Variants in IFT122 observed in about 807,000 individuals in gnomAD.
IFT122 encodes the protein intraflagellar transport protein 122 homolog.
Under a neutral mutation model 161.6 loss-of-function variants are expected in IFT122, and 118 were observed. The observed-to-expected ratio is 0.73, with a 90% CI of 0.63 to 0.85. The LOEUF (loss-of-function observed/expected upper bound fraction) is 0.85. IFT122 is among the 40% of genes least tolerant of loss of function. The pLI is 0.00. For missense variants in IFT122, 1,381 were observed against 1,579.6 expected, an observed-to-expected ratio of 0.87 and a Z score of 2.13; for synonymous variants, 550 against 602.4, an observed-to-expected ratio of 0.91 and a Z score of 1.27.
At chr3:129,498,273 C>T (rs1239489735) in intron 18 of IFT122, among the ~76,000 whole-genome samples, 4 of 152,224 alleles carry the variant, frequency 2.6e-5, no homozygotes, top group Admixed American at 2.0e-4. Context: ...CCCTGGTCCC[C>T]TGAGCACTCA....
chr3:129,492,094 T>C (rs2080189412), intron 16 of IFT122, 47 bp from the exon 17 acceptor site: 9 of 1,487,784 alleles, frequency 6.0e-6, no homozygotes, highest in Non-Finnish European at 8.4e-6. Context: ...CACCCACTTT[T>C]GAAGCCAAGA....
chr3:129,506,633 A>G (rs1325395071), intron 22 of IFT122, 84 bp downstream of exon 22: 1 of 1,577,582 alleles, frequency 6.3e-7, no homozygotes, highest in Non-Finnish European at 8.7e-7. Flanking sequence ...GGACATTTTA[A>G]TTAAAGCCCT....
At chr3:129,455,992 C>T (rs1386059997) in intron 3 of IFT122, 1 of 383,054 alleles carries the variant, frequency 2.6e-6, no homozygotes, top group Admixed American at 2.9e-5. Flanking sequence ...TAAAAGTGGA[C>T]TCATGTAGTT....
intron 9 of IFT122, among the ~76,000 whole-genome samples, chr3:129,469,936 G>A (rs748730829): frequency 9.9e-5 from 15 of 152,186 alleles, no homozygotes; most frequent in Non-Finnish European, 2.1e-4. Flanking sequence ...CCTGTGTGGT[G>A]TGGTATGTGA....
At chr3:129,497,430 A>C (rs562474345) in intron 18 of IFT122, among the ~76,000 whole-genome samples, 1 of 152,320 alleles carries the variant, frequency 6.6e-6, no homozygotes, top group South Asian at 2.1e-4. Flanking sequence ...ATTTGCACAG[A>C]ATAATGTATA....
chr3:129,507,757 C>G lies in IFT122; in HGVS notation c.2881C>G (p.His961Asp), dbSNP rs1178500227. 9 of 1,613,592 alleles carry G rather than the reference C, an allele frequency of 5.6e-6. No homozygotes were observed. The East Asian group carries it at 1.3e-4, about 24-fold the overall frequency. Residue 961 changes from histidine to aspartate, a missense_variant, in exon 23 of 30, where the codon CAC (histidine) becomes GAC (aspartate). His to Asp is a moderately conservative substitution (Grantham distance 81, BLOSUM62 -1). This residue lies in a region of IFT122 where 496 missense variants were observed against 502.5 expected (regional missense o/e 0.99). Transcript: ENST00000348417. ...CCATGGTTACCATGCCATCCATCGC[C>G]ACACGGTAAGGTGGCTGGGTCACCA... Reference protein sequence around the residue: ...LYHGYHAIHRHTEDPFSVHRP... With the variant: ...LYHGYHAIHRDTEDPFSVHRP...
At chr3:129,498,513 A>G (rs1263879196) in intron 18 of IFT122, among the ~76,000 whole-genome samples, 2 of 152,198 alleles carry the variant, frequency 1.3e-5, no homozygotes, top group Non-Finnish European at 1.5e-5. Context: ...GGGAGAACCA[A>G]AGGCCAGCCA....
intron 1 of IFT122, among the ~76,000 whole-genome samples, chr3:129,443,479 T>C (rs2073543585): frequency 6.6e-6 from 1 of 152,256 alleles, no homozygotes; most frequent in South Asian, 2.1e-4. Flanking sequence ...AGGGGCTAGA[T>C]GGCCATCTAT....
At chr3:129,466,492 A>ATTTTTT (rs2076790385) in intron 7 of IFT122, among the ~76,000 whole-genome samples, 1 of 102,186 alleles carries the variant, frequency 9.8e-6, no homozygotes, top group African/African-American at 3.7e-5. Context: ...TTTTATTTTT[A>ATTTTTT]TTCTTTTTTT....
intron 2 of IFT122, 85 bp downstream of exon 2, chr3:129,450,022 T>TC: frequency 1.1e-6 from 1 of 926,118 alleles, no homozygotes; most frequent in Non-Finnish European, 1.8e-6. Context: ...TTTTTTTTTT[T>TC]TTTTGAGATT....
chr3:129,441,351 G>C (rs3138324), intron 1 of IFT122, among the ~76,000 whole-genome samples: 4,010 of 152,158 alleles, frequency 0.026, 161 homozygotes, highest in African/African-American at 0.091. Flanking sequence ...GTTGGAGACG[G>C]GTCCTCTCTT....
chr3:129,478,183 C>A lies in IFT122; in HGVS notation c.1315C>A (p.Leu439Met), dbSNP rs1282955059. The stretch of plus-strand genomic sequence containing the variant: ...TATCAAGAAGTTTGAGTGCAACCTC[C>A]TGGTGGTGTGTGCCAATCACATCAT... Reference protein sequence around the residue: ...KIIKKFECNLLVVCANHIILC... With the variant: ...KIIKKFECNLMVVCANHIILC... Residue 439 changes from leucine (L) to methionine (M), a missense_variant, in exon 12 of 30, where the codon CTG becomes ATG. By Grantham distance (15) the Leu-to-Met change is conservative. Around this residue, in one of 7 missense-constraint regions of IFT122, gnomAD observed 544 missense variants for 648.0 expected, o/e 0.84. Transcript: ENST00000348417. The A allele has an allele frequency of 6.2e-7, 1 of 1,614,210 alleles. No individual in the cohort carries two copies. Among genetic ancestry groups the A allele is most frequent in the African/African-American group, 1.3e-5 (1 of 75,056 alleles).
At chr3:129,455,075 G>T (rs2075310121) in intron 3 of IFT122, among the ~76,000 whole-genome samples, 2 of 151,996 alleles carry the variant, frequency 1.3e-5, no homozygotes, top group Admixed American at 6.6e-5. Flanking sequence ...CTCAGAATTG[G>T]TTTTTTCCTC....
At chr3:129,499,053 C>T (rs2108512099) in intron 18 of IFT122, among the ~76,000 whole-genome samples, 1 of 152,330 alleles carries the variant, frequency 6.6e-6, no homozygotes, top group Admixed American at 6.5e-5. Flanking sequence ...TAGGCCTGAT[C>T]TCTGAGCCTC....
rs778928747 is a variant in IFT122 at position 129,464,730 on chromosome 3, G to A, written c.512G>A (p.Arg171Gln). 19 of 1,613,988 alleles carry A rather than the reference G, an allele frequency of 1.2e-5. No homozygotes were observed. Among genetic ancestry groups the A allele is most frequent in the East Asian group, 2.2e-5 (1 of 44,884 alleles). The part of the protein sequence containing the change: ...KNGEEKVKIE[R>Q]PGGSLSPIWS... ...GGCGAGGAGAAAGTAAAGATCGAGC[G>A]GCCGGGGGGCTCCCTCTCGCCAATA... Residue 171 changes from arginine (R) to glutamine (Q), a missense_variant, in exon 7 of 30, where the codon CGG (arginine) becomes CAG (glutamine). By Grantham distance (43) the Arg-to-Gln change is conservative. Around this residue, in one of 7 missense-constraint regions of IFT122, gnomAD observed 544 missense variants for 648.0 expected, o/e 0.84. Transcript: ENST00000348417.
chr3:129,513,121 G>A (rs138083251), intron 24 of IFT122: 204 of 154,728 alleles, frequency 1.3e-3, no homozygotes, highest in African/African-American at 4.5e-3. Context: ...AGGCCTGAGA[G>A]CCTACCTTTG....
At chr3:129,471,470 T>C (rs72988840) in intron 9 of IFT122, among the ~76,000 whole-genome samples, 6,381 of 152,260 alleles carry the variant, frequency 0.042, 398 homozygotes, top group African/African-American at 0.13. Flanking sequence ...AGGCACTGGA[T>C]GTGGGTACTG....
chr3:129,503,778 C>T (rs1459817254), intron 20 of IFT122, among the ~76,000 whole-genome samples: 1 of 152,132 alleles, frequency 6.6e-6, no homozygotes, highest in Non-Finnish European at 1.5e-5. Flanking sequence ...TAGATTAGAG[C>T]ATCTTAGAAT....
intron 1 of IFT122, among the ~76,000 whole-genome samples, 192 bp downstream of exon 1, chr3:129,440,563 G>A (rs909906417): frequency 6.6e-6 from 1 of 152,210 alleles, no homozygotes; most frequent in African/African-American, 2.4e-5. Flanking sequence ...GTTGGAGAGC[G>A]GCAAAGGGAG....
Sources: allele counts gnomAD v4.1 joint callset (sites outside exome capture counted in the v4.1 genomes callset), GRCh38; gene constraint gnomAD v4.1.1; regional missense constraint gnomAD v4.1.1; transcripts MANE v1.5; gene names NCBI Gene and HGNC (gene_info 2026-07-23, HGNC 2026-07-21).